Variants in PCDH15 observed in about 807,000 individuals in gnomAD.
PCDH15 encodes protocadherin related 15.
PCDH15 carries 129 observed loss-of-function variants against 178.5 expected under a neutral mutation model. The ratio of observed to expected loss-of-function variants is 0.72; its 90% CI spans 0.63 to 0.84. The LOEUF is 0.84. Among genes scored for constraint, PCDH15 ranks in the 40% least tolerant of loss-of-function variants. The pLI, the probability that PCDH15 is intolerant of heterozygous loss-of-function variation, is 0.00. For missense variants in PCDH15, 2,230 were observed against 2,099.9 expected (o/e 1.06, Z -1.21); for synonymous variants, 800 against 732.0 (o/e 1.09, Z -1.50).
At chr10:55,394,339 A>G (rs1837872255) in intron 2 of PCDH15, among the ~76,000 whole-genome samples, 1 of 145,078 alleles carries the variant, frequency 6.9e-6, no homozygotes, top group African/African-American at 2.6e-5. Context: ...TTATTTATTT[A>G]TTTTTATTTC....
intron 2 of PCDH15, among the ~76,000 whole-genome samples, chr10:55,461,224 T>C (rs1208887782): frequency 6.6e-6 from 1 of 152,174 alleles, no homozygotes; most frequent in Non-Finnish European, 1.5e-5. Context: ...CTATGCATCA[T>C]GGTCTCTTCA....
intron 15 of PCDH15, among the ~76,000 whole-genome samples, chr10:54,106,148 A>G (rs1876330): frequency 0.58 from 88,703 of 152,040 alleles, 26,641 homozygotes; most frequent in Middle Eastern, 0.68. Flanking sequence ...AATGAGGAGT[A>G]TAGGCTTTTT....
intron 2 of PCDH15, among the ~76,000 whole-genome samples, chr10:55,540,352 C>T (rs1296779600): frequency 6.6e-6 from 1 of 151,868 alleles, no homozygotes; most frequent in East Asian, 1.9e-4. Flanking sequence ...TCCATCTTAT[C>T]AAGTCATTTA....
intron 1 of PCDH15, among the ~76,000 whole-genome samples, chr10:55,255,948 G>C (rs1362241457): frequency 6.6e-6 from 1 of 152,134 alleles, no homozygotes; most frequent in Admixed American, 6.5e-5. Context: ...AAGCTGTTTA[G>C]TTTAATTAGA....
At chr10:54,754,835 C>T (rs1946834871) in intron 1 of PCDH15, among the ~76,000 whole-genome samples, 1 of 151,782 alleles carries the variant, frequency 6.6e-6, no homozygotes, top group Admixed American at 6.6e-5. Flanking sequence ...ACACAAGTCG[C>T]ATATGTGTTC....
intron 1 of PCDH15, among the ~76,000 whole-genome samples, chr10:55,290,328 T>A (rs916342660): frequency 3.3e-5 from 5 of 151,998 alleles, no homozygotes; most frequent in African/African-American, 1.2e-4. Flanking sequence ...AACATCACAG[T>A]GTGTATTGGG....
intron 3 of PCDH15, among the ~76,000 whole-genome samples, chr10:54,855,173 TTTTCAAGC>T (rs1220333818): frequency 6.6e-6 from 1 of 152,152 alleles, no homozygotes; most frequent in Non-Finnish European, 1.5e-5. Flanking sequence ...GTAGCAGGCA[TTTTCAAGC>T]TTGCAAGGGC....
intron 5 of PCDH15, among the ~76,000 whole-genome samples, chr10:54,367,925 G>A (rs985398393): frequency 9.9e-5 from 15 of 151,296 alleles, no homozygotes; most frequent in African/African-American, 2.9e-4. Flanking sequence ...GCACTCAACC[G>A]AACAAAGCAA....
chr10:54,429,041 A>C (rs1226319590), intron 3 of PCDH15, among the ~76,000 whole-genome samples: 1 of 151,122 alleles, frequency 6.6e-6, no homozygotes, highest in Non-Finnish European at 1.5e-5. Context: ...GTAGCACTGT[A>C]ATGGTGATTT....
intron 26 of PCDH15, among the ~76,000 whole-genome samples, chr10:53,893,452 A>T (rs944449585): frequency 6.6e-6 from 1 of 152,252 alleles, no homozygotes; most frequent in Non-Finnish European, 1.5e-5. Flanking sequence ...AAAATAAATA[A>T]ATAAAATTTT....
chr10:54,084,902 A>G lies in PCDH15; in HGVS notation c.1997+5082T>C, dbSNP rs187201584. Among the ~76,000 whole-genome samples the G allele has an allele frequency of 2.3e-3, 351 of 152,304 alleles. 1 individual carries two copies. Among genetic ancestry groups the G allele is most frequent in the Middle Eastern group, 6.8e-3 (2 of 294 alleles). On this transcript the variant is annotated intron_variant, in intron 16 of 37. Transcript: ENST00000644397. ...TTGGGCACTGAGTTTCAGGCTTTAC[A>G]ATGATATTTAAAGAGATTAGAGTAT...
At chr10:55,216,813 C>A (rs1024393216) in intron 1 of PCDH15, among the ~76,000 whole-genome samples, 1 of 151,862 alleles carries the variant, frequency 6.6e-6, no homozygotes, top group African/African-American at 2.4e-5. Flanking sequence ...ATATAGAAGT[C>A]TGTTAGGCTG....
intron 1 of PCDH15, among the ~76,000 whole-genome samples, chr10:54,758,356 C>G (rs982345662): frequency 6.6e-6 from 1 of 152,142 alleles, no homozygotes; most frequent in Non-Finnish European, 1.5e-5. Context: ...CAGACCCCAG[C>G]CAGCCACAAG....
At chr10:53,873,599 C>T (rs1052092296) in intron 26 of PCDH15, among the ~76,000 whole-genome samples, 4 of 152,008 alleles carry the variant, frequency 2.6e-5, no homozygotes, top group Admixed American at 1.3e-4. Flanking sequence ...GACTAAATAC[C>T]AGGGATAAAA....
chr10:55,539,756 T>C (rs1251634008), intron 2 of PCDH15, among the ~76,000 whole-genome samples: 1 of 152,174 alleles, frequency 6.6e-6, no homozygotes, highest in Admixed American at 6.6e-5. Context: ...ATTAAAAATG[T>C]ATTTTAATAC....
intron 2 of PCDH15, among the ~76,000 whole-genome samples, chr10:55,076,289 G>T (rs1183048425): frequency 2.0e-5 from 3 of 151,988 alleles, no homozygotes; most frequent in East Asian, 3.8e-4. Context: ...TTCTTTATTG[G>T]TTTATTTCCT....
intron 6 of PCDH15, among the ~76,000 whole-genome samples, chr10:54,336,652 TG>T (rs1468783552): frequency 6.6e-6 from 1 of 152,128 alleles, no homozygotes; most frequent in Non-Finnish European, 1.5e-5. Context: ...AGAGGATGTA[TG>T]GAAATGCCTG....
intron 2 of PCDH15, among the ~76,000 whole-genome samples, chr10:54,648,631 T>G (rs762514551): frequency 1.3e-4 from 20 of 152,122 alleles, no homozygotes; most frequent in Non-Finnish European, 2.1e-4. Flanking sequence ...TGAAGGTATA[T>G]GGTATAAATA....
rs918116316 is a variant in PCDH15, at chr10:55,470,684, T to C, written c.-156+156941A>G. Among the ~76,000 whole-genome samples the C allele has an allele frequency of 2.6e-5, 4 of 152,176 alleles. No individual in the cohort carries two copies. In the East Asian group the frequency reaches 7.7e-4, roughly 29 times the overall value. ...TCAAATGCACCCAACGTGCACGGTT[T>C]ACATTAGAGTTGACTCTTGCTGTTG... On this transcript the variant is annotated intron_variant, in intron 2 of 5. Coordinates refer to the PCDH15 transcript ENST00000613346.
Sources: gnomAD v4.1 joint callset for allele counts (sites outside exome capture counted in the v4.1 genomes callset) on GRCh38, gnomAD v4.1.1 for gene constraint, MANE v1.5 for transcripts, NCBI Gene and HGNC (gene_info 2026-07-23, HGNC 2026-07-21) for gene names.